Variants in XKR4 observed in about 807,000 individuals in gnomAD.
XKR4 encodes the protein XK-related protein 4.
Under a neutral mutation model 53.9 loss-of-function variants are expected in XKR4, and 12 were observed. That is an observed-to-expected ratio of 0.22 (90% CI 0.14 to 0.36). The LOEUF (loss-of-function observed/expected upper bound fraction) is 0.36, where lower values mean the gene tolerates loss of function less well. Among genes scored for constraint, XKR4 ranks in the 10% least tolerant of loss-of-function variants. XKR4 has a pLI of 1.00. For missense variants in XKR4, 799 were observed against 859.5 expected, an observed-to-expected ratio of 0.93 and a Z score of 0.88; for synonymous variants, 354 against 362.4, an observed-to-expected ratio of 0.98 and a Z score of 0.26.
At chr8:55,354,831 A>C (rs1030404663) in intron 1 of XKR4, among the ~76,000 whole-genome samples, 4 of 152,148 alleles carry the variant, frequency 2.6e-5, no homozygotes, top group Non-Finnish European at 4.4e-5. Context: ...AATTAGAAAA[A>C]TTCATAAAAG....
intron 1 of XKR4, among the ~76,000 whole-genome samples, chr8:55,279,555 T>A (rs1273443461): frequency 2.6e-5 from 4 of 152,226 alleles, no homozygotes; most frequent in African/African-American, 9.6e-5. Flanking sequence ...TAGCAAATTA[T>A]ATAGTTTAGT....
At chr8:55,119,141 A>T (rs1816353206) in intron 1 of XKR4, among the ~76,000 whole-genome samples, 2 of 152,208 alleles carry the variant, frequency 1.3e-5, no homozygotes, top group Non-Finnish European at 1.5e-5. Context: ...CGTTATTAAA[A>T]TGTGCTCTCT....
chr8:55,228,863 AC>A (rs1817992664), intron 1 of XKR4, among the ~76,000 whole-genome samples: 2 of 152,076 alleles, frequency 1.3e-5, no homozygotes, highest in Non-Finnish European at 2.9e-5. Flanking sequence ...ACACACACAC[AC>A]ACACACATTC....
At chr8:55,322,213 C>T (rs1192922439) in intron 1 of XKR4, among the ~76,000 whole-genome samples, 1 of 152,130 alleles carries the variant, frequency 6.6e-6, no homozygotes, top group Middle Eastern at 3.2e-3. Context: ...AATGGATTCA[C>T]GTTGCAAGTA....
chr8:55,365,775 G>A (rs1321572569), intron 2 of XKR4, among the ~76,000 whole-genome samples: 1 of 151,892 alleles, frequency 6.6e-6, no homozygotes, highest in Non-Finnish European at 1.5e-5. Context: ...GAGGGTGAGA[G>A]GATGAAAAGT....
At chr8:55,445,233 A>G (rs1481966775) in intron 2 of XKR4, among the ~76,000 whole-genome samples, 2 of 151,800 alleles carry the variant, frequency 1.3e-5, no homozygotes, top group Non-Finnish European at 2.9e-5. Flanking sequence ...AATTTTTTGT[A>G]TTTTTAGTAG....
intron 1 of XKR4, among the ~76,000 whole-genome samples, chr8:55,141,212 G>T (rs1441617745): frequency 6.6e-6 from 1 of 151,940 alleles, no homozygotes. Flanking sequence ...TTTAAACTCC[G>T]CACTGGGACC....
chr8:55,125,215 G>A (rs1341521545), intron 1 of XKR4, among the ~76,000 whole-genome samples: 2 of 152,018 alleles, frequency 1.3e-5, no homozygotes, highest in African/African-American at 4.8e-5. Flanking sequence ...TTATTAACTT[G>A]CTGGTTTTTC....
chr8:55,523,852 T>G lies in XKR4; in HGVS notation c.1578T>G (p.Cys526Trp). Residue 526 changes from cysteine to tryptophan, a missense_variant, in exon 3 of 3, where the codon TGT (cysteine) becomes TGG (tryptophan). Coordinates refer to ENST00000327381, the MANE Select transcript of XKR4 (RefSeq NM_052898.2). ...NGPRFGQSPS[C>W]ACEDPAAAFT... ...CCAGATTCGGGCAGTCACCAAGTTG[T>G]GCTTGTGAGGACCCAGCCGCTGCCT... 1 of 1,614,232 alleles carries G rather than the reference T, an allele frequency of 6.2e-7. No homozygotes were observed. The highest frequency in any genetic ancestry group is 8.5e-7 in the Non-Finnish European group (1 of 1,180,036).
At chr8:55,321,551 T>C (rs1803212519) in intron 1 of XKR4, among the ~76,000 whole-genome samples, 1 of 152,320 alleles carries the variant, frequency 6.6e-6, no homozygotes, top group South Asian at 2.1e-4. Context: ...CTTTCTCCTC[T>C]TCATAGTCTG....
intron 2 of XKR4, among the ~76,000 whole-genome samples, chr8:55,439,689 T>C (rs183107122): frequency 3.3e-5 from 5 of 152,264 alleles, no homozygotes; most frequent in African/African-American, 7.2e-5. Context: ...CAAAGACATA[T>C]AAAATTATTT....
At chr8:55,288,015 CTG>C in intron 1 of XKR4, among the ~76,000 whole-genome samples, 2 of 152,252 alleles carry the variant, frequency 1.3e-5, no homozygotes, top group East Asian at 3.9e-4. Context: ...AATTTGTAAA[CTG>C]TCTTAAAACA....
intron 1 of XKR4, among the ~76,000 whole-genome samples, chr8:55,157,304 G>T (rs1816920776): frequency 1.3e-5 from 2 of 152,108 alleles, no homozygotes. Flanking sequence ...AATGTGTATT[G>T]AAGGAATCTC....
intron 2 of XKR4, among the ~76,000 whole-genome samples, chr8:55,415,533 T>C (rs1007072370): frequency 2.0e-5 from 3 of 152,150 alleles, no homozygotes; most frequent in Non-Finnish European, 2.9e-5. Context: ...GCTGAGTCTT[T>C]GGATAGAGAA....
At chr8:55,317,049 ACCT>A (rs1288736860) in intron 1 of XKR4, among the ~76,000 whole-genome samples, 7 of 152,174 alleles carry the variant, frequency 4.6e-5, no homozygotes, top group African/African-American at 1.7e-4. Context: ...GGCACCTACT[ACCT>A]CTACTACCCT....
chr8:55,160,224 A>G (rs1216661466), intron 1 of XKR4, among the ~76,000 whole-genome samples: 2 of 152,236 alleles, frequency 1.3e-5, no homozygotes, highest in Admixed American at 1.3e-4. Flanking sequence ...GCAGCCCTGA[A>G]CTAGGCAGAA....
At chr8:55,116,390 C>T (rs1816309239) in intron 1 of XKR4, among the ~76,000 whole-genome samples, 1 of 152,150 alleles carries the variant, frequency 6.6e-6, no homozygotes, top group Non-Finnish European at 1.5e-5. Context: ...AACCTGCTCC[C>T]TGCACTTCCC....
Position 55,248,773 on chromosome 8 carries a change from C to T in XKR4, c.807-108905C>T, listed in dbSNP as rs1181769422. On this transcript the variant is annotated intron_variant, in intron 1 of 2. Coordinates refer to ENST00000327381, the MANE Select transcript of XKR4 (RefSeq NM_052898.2). ...TTAAACTTTTTTTTTCTGTATTTCT[C>T]GGCTTTTCCCTGTCTGGGGTCTCCT... is the stretch of plus-strand genomic sequence containing the variant. Among the ~76,000 whole-genome samples the T allele has an allele frequency of 2.0e-5, 3 of 151,812 alleles. No individual in the cohort carries two copies. In the East Asian group the frequency reaches 5.8e-4, roughly 29 times the overall value.
chr8:55,320,697 C>T (rs1383665769), intron 1 of XKR4, among the ~76,000 whole-genome samples: 1 of 152,108 alleles, frequency 6.6e-6, no homozygotes, highest in Non-Finnish European at 1.5e-5. Flanking sequence ...ATGCCTGATT[C>T]TGGCAGTCTG....
Sources: allele counts gnomAD v4.1 joint callset (sites outside exome capture counted in the v4.1 genomes callset), GRCh38; gene constraint gnomAD v4.1.1; transcripts MANE v1.5; gene names NCBI Gene and HGNC (gene_info 2026-07-23, HGNC 2026-07-21).